The following ZNF536 variants were observed in gnomAD, a reference collection of about 807,000 sequenced individuals.
ZNF536 encodes zinc finger protein 536.
In ZNF536, 13 loss-of-function variants were observed where a neutral mutation model predicts 84.5. The observed-to-expected ratio is 0.15, with a 90% CI of 0.10 to 0.24. The LOEUF (loss-of-function observed/expected upper bound fraction) is 0.24, where lower values mean the gene tolerates loss of function less well. Among genes scored for constraint, ZNF536 ranks in the 10% least tolerant of loss-of-function variants. The pLI is 1.00. For synonymous variants in ZNF536, 811 were observed against 742.5 expected (o/e 1.09, Z -1.50); for missense variants, 1,536 against 1,747.5 (o/e 0.88, Z 2.16).
chr19:30,388,847 T>C (rs2049457569), intron 1 of ZNF536, among the ~76,000 whole-genome samples: 1 of 152,202 alleles, frequency 6.6e-6, no homozygotes, highest in Non-Finnish European at 1.5e-5. Context: ...CTTTCCAGGC[T>C]TAAAATCATG....
chr19:30,492,873 G>A (rs966606786), intron 2 of ZNF536, among the ~76,000 whole-genome samples: 4 of 152,068 alleles, frequency 2.6e-5, no homozygotes, highest in Admixed American at 6.6e-5. Flanking sequence ...GACCACAGAC[G>A]CCCTGAGCTT....
At chr19:30,469,550 C>A (rs1037635871) in intron 2 of ZNF536, among the ~76,000 whole-genome samples, 1 of 152,152 alleles carries the variant, frequency 6.6e-6, no homozygotes, top group Admixed American at 6.5e-5. Flanking sequence ...ACACCTGGAT[C>A]CCTATTCTAT....
chr19:30,319,769 A>G (rs976110394), intron 2 of ZNF536, among the ~76,000 whole-genome samples: 3 of 152,250 alleles, frequency 2.0e-5, no homozygotes, highest in Non-Finnish European at 4.4e-5. Flanking sequence ...ATTGACTAAG[A>G]TGCAAGTATA....
chr19:30,553,798 C>T (rs993648233), intron 4 of ZNF536, among the ~76,000 whole-genome samples: 7 of 152,162 alleles, frequency 4.6e-5, no homozygotes, highest in African/African-American at 7.2e-5. Context: ...ACATTGCACT[C>T]GAGCCTGGGT....
At chr19:30,698,856 C>A (rs1406626545) in intron 1 of ZNF536, among the ~76,000 whole-genome samples, 1 of 152,204 alleles carries the variant, frequency 6.6e-6, no homozygotes, top group Non-Finnish European at 1.5e-5. Flanking sequence ...GAGATATGCT[C>A]CGTCTCCTTG....
intron 1 of ZNF536, among the ~76,000 whole-genome samples, chr19:30,599,026 C>T (rs1482315729): frequency 9.5e-6 from 1 of 105,224 alleles, no homozygotes; most frequent in Non-Finnish European, 1.8e-5. Context: ...TTCCTCCCTC[C>T]CTCCCTCCCT....
intron 1 of ZNF536, among the ~76,000 whole-genome samples, chr19:30,695,596 T>C (rs2051623987): frequency 6.6e-6 from 1 of 151,698 alleles, no homozygotes; most frequent in African/African-American, 2.4e-5. Context: ...GTATAGTAGG[T>C]AAGAAGGGAT....
Position 30,557,302 on chromosome 19 carries a change from A to C in ZNF536, c.*138A>C. 2 of 1,000,816 alleles carry C rather than the reference A, an allele frequency of 2.0e-6. No individual in the cohort carries two copies. The highest frequency in any genetic ancestry group is 2.9e-5 in the South Asian group (2 of 69,078). The allele number at this position is 1,000,816 out of a possible 1,614,324, so 62.0% of individuals were successfully genotyped here. A position where few individuals can be genotyped will look rare whatever the true frequency, so the allele number is the denominator to read the frequency against. On this transcript the variant is annotated 3_prime_UTR_variant, in exon 5 of 5. Transcript: ENST00000355537. ...TGTGTGTTGAATAATTACTATTGGC[A>C]TAGGTATGTGTATACACACGGTGCA...
intron 1 of ZNF536, among the ~76,000 whole-genome samples, chr19:30,614,400 T>A (rs1452158832): frequency 2.0e-5 from 3 of 151,332 alleles, no homozygotes; most frequent in Admixed American, 2.0e-4. Flanking sequence ...TATATATATA[T>A]ATATTCTCTC....
chr19:30,387,451 G>T lies in ZNF536; in HGVS notation c.-3+14895G>T, dbSNP rs182514331. On this transcript the variant is annotated intron_variant, in intron 1 of 4. Coordinates refer to ENST00000355537, the MANE Select transcript of ZNF536 (RefSeq NM_014717.3). The stretch of plus-strand genomic sequence containing the variant: ...AGATGCCCAGAACCTGCCCTCCCAT[G>T]GTTGACGGCGGTGAGGGACCCACTG... 2.6e-3 allele frequency among the ~76,000 whole-genome samples: 400 copies of T among 152,254 alleles called. 6 individuals carry two copies. Among genetic ancestry groups the T allele is most frequent in the Non-Finnish European group, 1.0e-3 (70 of 68,028 alleles).
At chr19:30,404,810 G>T (rs2050200082) in intron 1 of ZNF536, among the ~76,000 whole-genome samples, 1 of 152,094 alleles carries the variant, frequency 6.6e-6, no homozygotes, top group Non-Finnish European at 1.5e-5. Flanking sequence ...CATCTACCCA[G>T]AGATCCCACA....
At chr19:30,260,768 C>T (rs908055009) in intron 1 of ZNF536, among the ~76,000 whole-genome samples, 6 of 152,140 alleles carry the variant, frequency 3.9e-5, no homozygotes, top group Admixed American at 2.6e-4. Flanking sequence ...CTTCAGCCCC[C>T]GGAGCAGGAG....
chr19:30,261,170 C>T (rs1274499085), intron 1 of ZNF536, among the ~76,000 whole-genome samples: 6 of 148,944 alleles, frequency 4.0e-5, no homozygotes, highest in African/African-American at 1.5e-4. Context: ...TAGTGGCGGG[C>T]GCCTGTAGTC....
At chr19:30,371,567 T>G (rs1224572408), upstream of ZNF536, among the ~76,000 whole-genome samples, 4 of 151,268 alleles carry the variant, frequency 2.6e-5, no homozygotes, top group South Asian at 8.4e-4. Context: ...TGTTTTTTTT[T>G]TTTTGTTTTT....
chr19:30,243,129 T>C (rs1457621696), intron 1 of ZNF536, among the ~76,000 whole-genome samples: 1 of 152,176 alleles, frequency 6.6e-6, no homozygotes, highest in Non-Finnish European at 1.5e-5. Flanking sequence ...AAATCTATGA[T>C]GAGTTAAAGG....
At chr19:30,489,451 G>A (rs918997815) in intron 2 of ZNF536, among the ~76,000 whole-genome samples, 1 of 152,078 alleles carries the variant, frequency 6.6e-6, no homozygotes, top group African/African-American at 2.4e-5. Context: ...GTGTGGTGGT[G>A]CATGTATGTA....
At chr19:30,606,186 AAATAAAAT>A (rs1456607777) in intron 1 of ZNF536, among the ~76,000 whole-genome samples, 4 of 136,266 alleles carry the variant, frequency 2.9e-5, no homozygotes, top group East Asian at 2.0e-4. Context: ...AAATAAAATA[AAATAAAAT>A]AATAAAATAA....
At chr19:30,507,469 T>C (rs1011039099) in intron 2 of ZNF536, among the ~76,000 whole-genome samples, 4 of 152,084 alleles carry the variant, frequency 2.6e-5, no homozygotes, top group Admixed American at 1.3e-4. Flanking sequence ...CTGTTAGGGA[T>C]AGTAAGACAA....
At chr19:30,470,346 T>C (rs980161376) in intron 2 of ZNF536, among the ~76,000 whole-genome samples, 2 of 152,176 alleles carry the variant, frequency 1.3e-5, no homozygotes, top group African/African-American at 4.8e-5. Flanking sequence ...GGTACTAATA[T>C]CACAACACAT....
Sources: gnomAD v4.1 joint callset for allele counts (sites outside exome capture counted in the v4.1 genomes callset) on GRCh38, gnomAD v4.1.1 for gene constraint, MANE v1.5 for transcripts, NCBI Gene and HGNC (gene_info 2026-07-23, HGNC 2026-07-21) for gene names.